Variants in RYR3 observed in about 807,000 individuals in gnomAD.
RYR3 encodes the protein ryanodine receptor 3, also known as brain ryanodine receptor-calcium release channel.
RYR3 carries 207 observed loss-of-function variants against 584.3 expected under a neutral mutation model. That is an observed-to-expected ratio of 0.35 (90% CI 0.32 to 0.40). RYR3 has a LOEUF of 0.40. RYR3 is among the 10% of genes least tolerant of loss of function. The pLI is 1.00. For missense variants in RYR3, 5,616 were observed against 6,089.2 expected, an observed-to-expected ratio of 0.92 and a Z score of 2.59; for synonymous variants, 2,416 against 2,248.5, an observed-to-expected ratio of 1.07 and a Z score of -2.11.
chr15:33,690,615 A>C (rs1012103940), intron 38 of RYR3, among the ~76,000 whole-genome samples: 1 of 152,216 alleles, frequency 6.6e-6, no homozygotes, highest in African/African-American at 2.4e-5. Context: ...GATCAGAATC[A>C]TGCAGCCTAA....
intron 1 of RYR3, among the ~76,000 whole-genome samples, chr15:33,361,528 A>G (rs1974767159): frequency 6.6e-6 from 1 of 152,206 alleles, no homozygotes. Context: ...CACCTTTCAA[A>G]GAGTAGACAG....
intron 3 of RYR3, among the ~76,000 whole-genome samples, chr15:33,504,870 T>G (rs1216137566): frequency 6.6e-6 from 1 of 152,216 alleles, no homozygotes. Flanking sequence ...CCTCTCTCAC[T>G]TCCCTTATGT....
At chr15:33,685,977 A>G (rs2064980361) in intron 38 of RYR3, among the ~76,000 whole-genome samples, 1 of 152,242 alleles carries the variant, frequency 6.6e-6, no homozygotes, top group Non-Finnish European at 1.5e-5. Flanking sequence ...CTAAATGCCC[A>G]CAAGAGAAAG....
intron 83 of RYR3, 91 bp downstream of exon 83, chr15:33,826,360 G>A (rs1462219910): frequency 1.5e-6 from 2 of 1,314,760 alleles, no homozygotes; most frequent in East Asian, 4.6e-5. Context: ...TTTTAGGCTT[G>A]GTAGTTGCAT....
chr15:33,546,384 A>C (rs1317890731), intron 8 of RYR3, among the ~76,000 whole-genome samples: 1 of 152,154 alleles, frequency 6.6e-6, no homozygotes, highest in Non-Finnish European at 1.5e-5. Context: ...TTTCCGTTCT[A>C]GGCCTGGTAC....
At chr15:33,530,260 C>T (rs1196092494) in intron 3 of RYR3, among the ~76,000 whole-genome samples, 4 of 152,272 alleles carry the variant, frequency 2.6e-5, no homozygotes, top group Non-Finnish European at 4.4e-5. Context: ...TCACTCTGAA[C>T]GCTTCTGAGA....
At chr15:33,499,575 T>G (rs1204550215) in intron 2 of RYR3, among the ~76,000 whole-genome samples, 1 of 152,242 alleles carries the variant, frequency 6.6e-6, no homozygotes, top group African/African-American at 2.4e-5. Flanking sequence ...ATTTCATTGC[T>G]GTTTTTTGGA....
intron 42 of RYR3, among the ~76,000 whole-genome samples, chr15:33,705,975 GA>G (rs1179693425): frequency 6.6e-6 from 1 of 152,248 alleles, no homozygotes; most frequent in African/African-American, 2.4e-5. Flanking sequence ...GCCAGAACTG[GA>G]AAAACCAGGA....
chr15:33,350,775 A>G (rs1973137892), intron 1 of RYR3, among the ~76,000 whole-genome samples: 2 of 152,040 alleles, frequency 1.3e-5, no homozygotes, highest in South Asian at 4.2e-4. Flanking sequence ...GTAGAGGGAA[A>G]TTTATAGCAC....
In RYR3 at chr15:33,854,816, C is replaced by T. The variant is rs770541887; in HGVS notation, c.13911C>T (p.Tyr4637=). 3 of 1,613,774 alleles carry T rather than the reference C, an allele frequency of 1.9e-6. No homozygotes were observed. Among genetic ancestry groups the T allele is most frequent in the Admixed American group, 3.3e-5 (2 of 59,992 alleles). ...CAACCATGTCAGTCCTGGGCCACTA[C>T]AATAACTTCTTCTTTGCTGCTCACC... ...WYTTMSVLGH[Y]NNFFFAAHLL... Residue 4637 remains tyrosine (Y), a synonymous_variant, in exon 98 of 104, where the codon TAC becomes TAT. Transcript: ENST00000634891.
chr15:33,644,612 C>T, intron 28 of RYR3, 93 bp downstream of exon 28: 1 of 923,808 alleles, frequency 1.1e-6, no homozygotes. Flanking sequence ...AGCTGCTTAC[C>T]TAAGTCTATG....
rs906013340 is a variant in RYR3, at chr15:33,582,867, A to G, written c.1573+1224A>G. Among the ~76,000 whole-genome samples, 2 of 152,348 alleles carry G rather than the reference A, an allele frequency of 1.3e-5. 1 individual carries two copies. The highest frequency in any genetic ancestry group is 1.3e-4 in the Admixed American group (2 of 15,298). On this transcript the variant is annotated intron_variant, in intron 14 of 103. Coordinates refer to ENST00000634891, the MANE Select transcript of RYR3 (RefSeq NM_001036.6). ...TTTCTTTATCCTAAATTTGCCATGT[A>G]TCAGCCTCAGTGAAATTCCAATTCA...
In RYR3 at chr15:33,636,357, C is replaced by T. The variant is rs758438716; in HGVS notation, c.3382-19C>T. ...TCTAGAGACTCCATTTCTCTAAGCC[C>T]TAGAGTCTTGTTTTCTAGGGCCAGC... On this transcript the variant is annotated intron_variant, in intron 26 of 103. Coordinates refer to ENST00000634891, the MANE Select transcript of RYR3 (RefSeq NM_001036.6). 6.2e-7 allele frequency: 1 copy of T among 1,612,728 alleles called. No homozygotes were observed. The highest frequency in any genetic ancestry group is 8.5e-7 in the Non-Finnish European group (1 of 1,178,898).
chr15:33,864,451 T>A (rs11855356), intron 103 of RYR3, among the ~76,000 whole-genome samples: 8,390 of 152,060 alleles, frequency 0.055, 308 homozygotes, highest in African/African-American at 0.08. Flanking sequence ...AGAGACAATA[T>A]GAAATAAGAA....
intron 53 of RYR3, among the ~76,000 whole-genome samples, chr15:33,747,797 A>C (rs1175348021): frequency 6.6e-6 from 1 of 152,118 alleles, no homozygotes; most frequent in Non-Finnish European, 1.5e-5. Context: ...GCATTTTGAC[A>C]ATCTTCAACA....
At chr15:33,486,457 T>G (rs548548520) in intron 2 of RYR3, among the ~76,000 whole-genome samples, 87 of 152,246 alleles carry the variant, frequency 5.7e-4, no homozygotes, top group Middle Eastern at 6.8e-3. Flanking sequence ...TCAATCACCT[T>G]GTAAGAGGGC....
intron 1 of RYR3, among the ~76,000 whole-genome samples, chr15:33,334,757 GA>G (rs1970757688): frequency 6.6e-6 from 1 of 151,810 alleles, no homozygotes; most frequent in Non-Finnish European, 1.5e-5. Context: ...CAGAATGGGA[GA>G]AAATTTTTGC....
chr15:33,454,912 C>T lies in RYR3; in HGVS notation c.52-18507C>T, dbSNP rs565493657. ...AGGAACTTGAACTTCAGCTATAAAA[C>T]CTGAACGTTATTGGCAAACTATGGA... On this transcript the variant is annotated intron_variant, in intron 1 of 103. Coordinates refer to ENST00000634891, the MANE Select transcript of RYR3 (RefSeq NM_001036.6). Among the ~76,000 whole-genome samples the T allele has an allele frequency of 1.4e-4, 22 of 152,254 alleles. No homozygotes were observed. The South Asian group carries it at 4.1e-3, about 29-fold the overall frequency.
intron 57 of RYR3, among the ~76,000 whole-genome samples, chr15:33,753,300 G>A (rs2071503272): frequency 6.6e-6 from 1 of 152,138 alleles, no homozygotes; most frequent in South Asian, 2.1e-4. Context: ...AAGCAGTCTT[G>A]GAACAAAGGG....
Sources: allele counts gnomAD v4.1 joint callset (sites outside exome capture counted in the v4.1 genomes callset), GRCh38; gene constraint gnomAD v4.1.1; transcripts MANE v1.5; gene names NCBI Gene and HGNC (gene_info 2026-07-23, HGNC 2026-07-21).